EPG5: variants seen among roughly 807,000 people sequenced by gnomAD.
EPG5 encodes the protein ectopic P granules protein 5 homolog.
Under a neutral mutation model 302.7 loss-of-function variants are expected in EPG5, and 159 were observed. That is an observed-to-expected ratio of 0.53 (90% CI 0.46 to 0.60). EPG5 has a LOEUF of 0.60. Among genes scored for constraint, EPG5 ranks in the 20% least tolerant of loss-of-function variants. The pLI, the probability that EPG5 is intolerant of heterozygous loss-of-function variation, is 0.00. For synonymous variants in EPG5, 1,158 were observed against 1,136.8 expected, an observed-to-expected ratio of 1.02 and a Z score of -0.37; for missense variants, 2,896 against 3,092.4, an observed-to-expected ratio of 0.94 and a Z score of 1.51.
intron 7 of EPG5, among the ~76,000 whole-genome samples, chr18:45,946,350 C>T (rs2050783838): frequency 6.6e-6 from 1 of 152,178 alleles, no homozygotes; most frequent in Admixed American, 6.5e-5. Context: ...TGTAATATGA[C>T]TTTAATTTCC....
the EPG5 span, among the ~76,000 whole-genome samples, chr18:45,818,088 C>G: frequency 1.3e-5 from 2 of 152,062 alleles, no homozygotes; most frequent in Non-Finnish European, 2.9e-5. Context: ...TCAATATTAT[C>G]TTGAGAATCT....
rs116137201 is a variant in EPG5 at position 45,923,431 on chromosome 18, G to A, written c.2719-44C>T. On this transcript the variant is annotated intron_variant, in intron 14 of 43. Transcript: ENST00000282041. ...ATCACAAACATACAACCTTGGTTTT[G>A]TTTTGTTTTTGTACCTTTGAATCAA... 1,005 of 1,592,152 alleles carry A rather than the reference G, an allele frequency of 6.3e-4. 6 individuals carry two copies. The African/African-American group carries it at 0.012, about 18-fold the overall frequency.
At chr18:45,943,547 A>C (rs1280505285) in intron 8 of EPG5, among the ~76,000 whole-genome samples, 1 of 152,136 alleles carries the variant, frequency 6.6e-6, no homozygotes, top group Non-Finnish European at 1.5e-5. Context: ...TCTCACATTT[A>C]AGCACCAAGT....
At chr18:45,873,782 C>T (rs561231502) in intron 35 of EPG5, among the ~76,000 whole-genome samples, 2 of 152,212 alleles carry the variant, frequency 1.3e-5, no homozygotes, top group South Asian at 2.1e-4. Flanking sequence ...GAAGAGTTTA[C>T]ACCTCTTCAA....
the EPG5 span, chr18:45,837,154 A>C: frequency 4.4e-6 from 7 of 1,597,200 alleles, no homozygotes; most frequent in Non-Finnish European, 5.1e-6. Context: ...ACGAGATCCC[A>C]GGGTTTTTCC....
At chr18:45,825,695 C>T in the EPG5 span, 15 of 1,608,718 alleles carry the variant, frequency 9.3e-6, 1 homozygote, top group South Asian at 6.6e-5. Context: ...TGGCCGAGAG[C>T]GGGTCTGGCC....
At chr18:45,840,180 C>T in the EPG5 span, 1 of 1,612,222 alleles carries the variant, frequency 6.2e-7, no homozygotes, top group Non-Finnish European at 8.5e-7. Context: ...GGTGGAGATT[C>T]ATGCCTGCTC....
chr18:45,888,350 C>T (rs538636415), intron 28 of EPG5, among the ~76,000 whole-genome samples: 5 of 152,146 alleles, frequency 3.3e-5, no homozygotes, highest in South Asian at 2.1e-4. Context: ...GTCACCCAGG[C>T]TGGAGTGCAA....
At chr18:45,827,956 G>A in the EPG5 span, among the ~76,000 whole-genome samples, 5 of 152,202 alleles carry the variant, frequency 3.3e-5, no homozygotes, top group African/African-American at 4.8e-5. Flanking sequence ...AGCCACTCGC[G>A]TGAGCCGACT....
intron 27 of EPG5, among the ~76,000 whole-genome samples, chr18:45,890,941 C>T (rs1268983548): frequency 1.3e-5 from 2 of 152,088 alleles, no homozygotes; most frequent in African/African-American, 4.8e-5. Context: ...TCTGGACTTA[C>T]AGGTACAGCT....
At chr18:45,894,930 A>T (rs2049437716) in intron 27 of EPG5, among the ~76,000 whole-genome samples, 1 of 152,196 alleles carries the variant, frequency 6.6e-6, no homozygotes, top group African/African-American at 2.4e-5. Flanking sequence ...TCTATGTTTC[A>T]AAAGATGAGT....
Position 45,884,826 on chromosome 18 carries a change from A to G in EPG5, c.5110-15T>C, listed in dbSNP as rs1437533020. The G allele has an allele frequency of 6.6e-7, 1 of 1,505,084 alleles. No individual in the cohort carries two copies. Among genetic ancestry groups the G allele is most frequent in the African/African-American group, 1.5e-5 (1 of 68,602 alleles). 93.2% of individuals were successfully genotyped at this position (1,505,084 alleles called of 1,614,324 possible). On this transcript the variant is annotated splice_polypyrimidine_tract_variant and intron_variant, in intron 29 of 43. Transcript: ENST00000282041. Reference sequence around the variant, plus strand: ...CTGATAAATACCTTGGAAAAATAAAAAGGAAAAATGTCACCAGATTCTTCC... The same window carrying G: ...CTGATAAATACCTTGGAAAAATAAAGAGGAAAAATGTCACCAGATTCTTCC...
intron 3 of EPG5, among the ~76,000 whole-genome samples, chr18:45,952,166 T>C (rs1029996837): frequency 1.9e-4 from 29 of 152,158 alleles, no homozygotes; most frequent in Non-Finnish European, 1.9e-4. Flanking sequence ...AGTGAGCTTT[T>C]TGGCATCCTA....
At position 45,951,214 on chromosome 18, in the gene EPG5, G is replaced by A; in HGVS notation, c.1277C>T (p.Pro426Leu). The change falls in exon 4 of 44, where the codon CCC becomes CTC. Residue 426 changes from proline (P) to leucine (L), a missense_variant. This residue lies in a region of EPG5 where 1,390 missense variants were observed against 1,430.0 expected (regional missense o/e 0.97). Coordinates refer to ENST00000282041, the MANE Select transcript of EPG5 (RefSeq NM_020964.3). ...TTCCTTTAGTTGACACAGATCAGAG[G>A]GAATGCTTTCTGTCTGCTTAGACGC... ...GRASKQTESI[P>L]SDLCQLKECI... The A allele has an allele frequency of 1.9e-6, 3 of 1,571,054 alleles. No homozygotes were observed. The highest frequency in any genetic ancestry group is 1.2e-5 in the South Asian group (1 of 80,990).
chr18:45,859,562 G>A lies in EPG5; in HGVS notation c.7009+542C>T, dbSNP rs149622752. ...CAGCAATTCTTAATCAGACTAAGCC[G>A]CTTCCAGAGTCTGACAGTTTAGAGG... On this transcript the variant is annotated intron_variant, in intron 40 of 43. Coordinates refer to ENST00000282041, the MANE Select transcript of EPG5 (RefSeq NM_020964.3). 2.9e-3 allele frequency among the ~76,000 whole-genome samples: 438 copies of A among 152,312 alleles called. 7 individuals carry two copies. Among genetic ancestry groups the A allele is most frequent in the African/African-American group, 0.01 (419 of 41,564 alleles).
chr18:45,925,116 A>G (rs531039352), intron 14 of EPG5, among the ~76,000 whole-genome samples: 1 of 152,278 alleles, frequency 6.6e-6, no homozygotes, highest in African/African-American at 2.4e-5. Context: ...ATTACAGGAG[A>G]AAAAGGAATG....
At chr18:45,895,026 G>A (rs1379193270) in intron 27 of EPG5, among the ~76,000 whole-genome samples, 1 of 152,192 alleles carries the variant, frequency 6.6e-6, no homozygotes, top group Non-Finnish European at 1.5e-5. Flanking sequence ...GAGAAGCGAG[G>A]TGTGCATACC....
the EPG5 span, among the ~76,000 whole-genome samples, chr18:45,836,556 T>A: frequency 6.6e-6 from 1 of 152,204 alleles, no homozygotes; most frequent in African/African-American, 2.4e-5. Flanking sequence ...CTCTGTGAGC[T>A]GGAGGCAGAG....
At chr18:45,937,335 CAT>C (rs374618181) in intron 10 of EPG5, among the ~76,000 whole-genome samples, 299 of 148,876 alleles carry the variant, frequency 2.0e-3, no homozygotes, top group African/African-American at 6.8e-3. Flanking sequence ...TATATATACA[CAT>C]ATATATAGAT....
Sources: allele counts gnomAD v4.1 joint callset (sites outside exome capture counted in the v4.1 genomes callset), GRCh38; gene constraint gnomAD v4.1.1; regional missense constraint gnomAD v4.1.1; transcripts MANE v1.5; gene names NCBI Gene and HGNC (gene_info 2026-07-23, HGNC 2026-07-21).